The following LYPD1 variants were observed in gnomAD, a reference collection of about 807,000 sequenced individuals.
The protein encoded by LYPD1 is LY6/PLAUR domain containing 1.
In LYPD1, 14 loss-of-function variants were observed where a neutral mutation model predicts 14.2. That is an observed-to-expected ratio of 0.99 (90% CI 0.65 to 1.54). The LOEUF is 1.54. LYPD1 is among the 40% of genes most tolerant of loss of function. The pLI, the probability that LYPD1 is intolerant of heterozygous loss-of-function variation, is 0.00. For synonymous variants in LYPD1, 85 were observed against 70.6 expected, an observed-to-expected ratio of 1.20 and a Z score of -1.02; for missense variants, 165 against 175.7, an observed-to-expected ratio of 0.94 and a Z score of 0.34.
rs941798333 is a variant in LYPD1, at chr2:132,668,176, T to C, written c.190+224A>G. On this transcript the variant is annotated intron_variant, in intron 2 of 2. Coordinates refer to ENST00000397463, the MANE Select transcript of LYPD1 (RefSeq NM_144586.7). ...AGGAGAGCCACTAATTTACATGCACTTCCCCTCCCAAGACCCTTGGGGAGA... is the reference window on the plus strand; with the variant it reads ...AGGAGAGCCACTAATTTACATGCACCTCCCCTCCCAAGACCCTTGGGGAGA... 3.3e-5 allele frequency among the ~76,000 whole-genome samples: 5 copies of C among 151,776 alleles called. No individual in the cohort carries two copies. In the South Asian group the frequency reaches 8.3e-4, roughly 25 times the overall value.
chr2:132,670,153 C>A lies in LYPD1; in HGVS notation c.-221G>T. 1 of 1,371,516 alleles carries A rather than the reference C, an allele frequency of 7.3e-7. No individual in the cohort carries two copies. The highest frequency in any genetic ancestry group is 9.4e-7 in the Non-Finnish European group (1 of 1,069,278). The allele number at this position is 1,371,516 out of a possible 1,614,324, so 85.0% of individuals were successfully genotyped here. A position where few individuals can be genotyped will look rare whatever the true frequency, so the allele number is the denominator to read the frequency against. On this transcript the variant is annotated 5_prime_UTR_variant, in exon 1 of 3. Transcript: ENST00000397463. This position sits in a 1 kb window ranked among gnomAD's most constrained non-coding sequence, Gnocchi z 4.5. ...GCTGCGGGTCTCTGCTCCTCCCGCT[C>A]GCGCTCCCGGGCCGAGCACCGCGCC...
Position 132,670,150 on chromosome 2 carries a change from G to C in LYPD1, c.-218C>G. ...CCGGCTGCGGGTCTCTGCTCCTCCC[G>C]CTCGCGCTCCCGGGCCGAGCACCGC... On this transcript the variant is annotated 5_prime_UTR_variant, in exon 1 of 3. Coordinates refer to ENST00000397463, the MANE Select transcript of LYPD1 (RefSeq NM_144586.7). The surrounding 1 kb of genome is among the most constrained non-coding windows in gnomAD (Gnocchi z 4.5). 1 of 1,369,094 alleles carries C rather than the reference G, an allele frequency of 7.3e-7. No homozygotes were observed. Among genetic ancestry groups the C allele is most frequent in the Non-Finnish European group, 9.4e-7 (1 of 1,067,764 alleles). The allele number at this position is 1,369,094 out of a possible 1,614,324, so 84.8% of individuals were successfully genotyped here.
At chr2:132,651,312 CACTCTCA>C (rs1388655851) in intron 2 of LYPD1, among the ~76,000 whole-genome samples, 1 of 152,144 alleles carries the variant, frequency 6.6e-6, no homozygotes, top group African/African-American at 2.4e-5. Flanking sequence ...AGGGAATGAC[CACTCTCA>C]AGAAAAGAGC....
At chr2:132,646,844 G>A (rs1020324321) in intron 2 of LYPD1, among the ~76,000 whole-genome samples, 3 of 152,172 alleles carry the variant, frequency 2.0e-5, no homozygotes, top group Non-Finnish European at 2.9e-5. Context: ...CTGGCTGACC[G>A]TGTGTCCCTC....
intron 2 of LYPD1, among the ~76,000 whole-genome samples, chr2:132,656,023 A>G (rs2104909881): frequency 6.6e-6 from 1 of 152,308 alleles, no homozygotes; most frequent in Middle Eastern, 3.4e-3. Context: ...CTACAATTCT[A>G]TTACAAACGA....
rs1239345373 is a variant in LYPD1 at position 132,645,237 on chromosome 2, G to GT, written c.*807dup. On this transcript the variant is annotated 3_prime_UTR_variant, in exon 3 of 3. Transcript: ENST00000397463. The stretch of plus-strand genomic sequence containing the variant: ...TGATCCTCCTCCCCTTCTCGGAGAC[G>GT]TTTTTCTACCTCAGCTCGGTCATCA... 6.2e-7 allele frequency: 1 copy of GT among 1,614,154 alleles called. No homozygotes were observed.
chr2:132,665,465 T>C (rs1422598576), intron 2 of LYPD1, among the ~76,000 whole-genome samples: 2 of 152,218 alleles, frequency 1.3e-5, no homozygotes, highest in African/African-American at 4.8e-5. Context: ...CCTGTCTACC[T>C]GGACTGTTAG....
intron 2 of LYPD1, among the ~76,000 whole-genome samples, chr2:132,665,174 A>G (rs1413759846): frequency 2.0e-5 from 3 of 152,206 alleles, no homozygotes; most frequent in East Asian, 1.9e-4. Context: ...ATACTTCCCA[A>G]TGGAAAATTA....
chr2:132,666,302 C>T lies in LYPD1; in HGVS notation c.190+2098G>A, dbSNP rs534239629. 1.8e-4 allele frequency among the ~76,000 whole-genome samples: 28 copies of T among 152,218 alleles called. No individual in the cohort carries two copies. The South Asian group carries it at 5.6e-3, about 30-fold the overall frequency. On this transcript the variant is annotated intron_variant, in intron 2 of 2. Coordinates refer to ENST00000397463, the MANE Select transcript of LYPD1 (RefSeq NM_144586.7). ...GGAAGTGCTTTGGAGGTATAAGGCC[C>T]CCCTGGACATTGCTCTTTTGATGCA...
chr2:132,658,128 A>G (rs73955774), intron 2 of LYPD1, among the ~76,000 whole-genome samples: 2,142 of 152,348 alleles, frequency 0.014, 51 homozygotes, highest in African/African-American at 0.049. Flanking sequence ...TACAGTGATC[A>G]TCTTGTGATC....
intron 2 of LYPD1, among the ~76,000 whole-genome samples, chr2:132,661,130 C>T (rs1360452210): frequency 2.0e-5 from 3 of 152,132 alleles, no homozygotes; most frequent in Non-Finnish European, 2.9e-5. Context: ...GGACGGTGGC[C>T]TAAGAGTGAG....
At chr2:132,659,159 T>G (rs1043285199) in intron 2 of LYPD1, among the ~76,000 whole-genome samples, 2 of 152,264 alleles carry the variant, frequency 1.3e-5, no homozygotes, top group Non-Finnish European at 2.9e-5. Flanking sequence ...CAACTTGTCT[T>G]TATTCTATTT....
chr2:132,669,270 A>G lies in LYPD1; in HGVS notation c.52+611T>C, dbSNP rs113507247. Among the ~76,000 whole-genome samples the G allele has an allele frequency of 0.013, 1,983 of 152,236 alleles. 42 individuals are homozygous for G. The highest frequency in any genetic ancestry group is 0.044 in the African/African-American group (1,819 of 41,558). ...TCAGGACAACCGTTCGACTAGGGTC[A>G]GTGGTCGGGGTTCCAGCTCTGCAGA... On this transcript the variant is annotated intron_variant, in intron 1 of 2. Coordinates refer to ENST00000397463, the MANE Select transcript of LYPD1 (RefSeq NM_144586.7). The surrounding 1 kb of genome is among the most constrained non-coding windows in gnomAD (Gnocchi z 4.3).
chr2:132,644,809 T>A lies in LYPD1; in HGVS notation c.*1236A>T, dbSNP rs1053053840. The A allele has an allele frequency of 5.4e-6, 2 of 368,150 alleles. No individual in the cohort carries two copies. The highest frequency in any genetic ancestry group is 9.7e-6 in the Non-Finnish European group (2 of 205,886). The allele number at this position is 368,150 out of a possible 1,614,324, so 22.8% of individuals were successfully genotyped here. ...TTCTGGATACGCAAACAAACACCAA[T>A]GAAAACATTTTTTTAAAATTAACAG... On this transcript the variant is annotated 3_prime_UTR_variant, in exon 3 of 3. Coordinates refer to ENST00000397463, the MANE Select transcript of LYPD1 (RefSeq NM_144586.7).
intron 2 of LYPD1, among the ~76,000 whole-genome samples, chr2:132,655,513 C>CTTTTTTT (rs1558879316): frequency 4.9e-5 from 3 of 61,014 alleles, no homozygotes; most frequent in Non-Finnish European, 5.9e-5. Flanking sequence ...GGTTGAGAAG[C>CTTTTTTT]ATTTTTTTTT....
chr2:132,645,087 T>C lies in LYPD1; in HGVS notation c.*958A>G. On this transcript the variant is annotated 3_prime_UTR_variant, in exon 3 of 3. Transcript: ENST00000397463. ...TCTTTTCTCTGTCTCTCCCTCCTGCTCGTGTCTGCCCAGGGCTGATTGTTG... is the reference window on the plus strand; with the variant it reads ...TCTTTTCTCTGTCTCTCCCTCCTGCCCGTGTCTGCCCAGGGCTGATTGTTG... 6.2e-7 allele frequency: 1 copy of C among 1,600,476 alleles called. No individual in the cohort carries two copies. The highest frequency in any genetic ancestry group is 8.5e-7 in the Non-Finnish European group (1 of 1,171,928).
chr2:132,663,329 A>G (rs1272818366), intron 2 of LYPD1, among the ~76,000 whole-genome samples: 3 of 152,162 alleles, frequency 2.0e-5, no homozygotes, highest in Non-Finnish European at 4.4e-5. Context: ...GCTGGAGTGC[A>G]GTGGAGTAAT....
Position 132,670,019 on chromosome 2 carries a change from C to T in LYPD1, c.-87G>A. On this transcript the variant is annotated 5_prime_UTR_variant, in exon 1 of 3. Coordinates refer to ENST00000397463, the MANE Select transcript of LYPD1 (RefSeq NM_144586.7). This position sits in a 1 kb window ranked among gnomAD's most constrained non-coding sequence, Gnocchi z 4.5. ...GCTGCCCCGGCTGCAGCGGCTGTGG[C>T]TGCCGAGGCTGCTGGGGCCCGCGCT... 11 of 1,569,790 alleles carry T rather than the reference C, an allele frequency of 7.0e-6. No homozygotes were observed. The highest frequency in any genetic ancestry group is 9.4e-6 in the Non-Finnish European group (11 of 1,165,724).
chr2:132,648,041 T>C (rs1023636139), intron 2 of LYPD1, among the ~76,000 whole-genome samples: 7 of 152,222 alleles, frequency 4.6e-5, no homozygotes, highest in African/African-American at 1.2e-4. Flanking sequence ...TCTGGTAAGA[T>C]AAAGTCGAGG....
Sources: gnomAD v4.1 joint callset for allele counts (sites outside exome capture counted in the v4.1 genomes callset) on GRCh38, gnomAD v4.1.1 for gene constraint, Gnocchi (gnomAD v3.1) non-coding constraint, MANE v1.5 for transcripts, NCBI Gene and HGNC (gene_info 2026-07-23, HGNC 2026-07-21) for gene names.